ASPRV1: variants seen among roughly 807,000 people sequenced by gnomAD.
ASPRV1 encodes retroviral-like aspartic protease 1.
In ASPRV1, 7 loss-of-function variants were observed where a neutral mutation model predicts 11.0. The observed-to-expected ratio is 0.64, with a 90% CI of 0.36 to 1.20. The LOEUF (loss-of-function observed/expected upper bound fraction) is 1.20. Among genes scored for constraint, ASPRV1 ranks in the 50% most tolerant of loss-of-function variants. ASPRV1 has a pLI of 0.02. For synonymous variants in ASPRV1, 136 were observed against 138.4 expected (o/e 0.98, Z 0.12); for missense variants, 299 against 320.0 (o/e 0.93, Z 0.50).
At chr2:70,038,853 CG>C in the ASPRV1 span, among the ~76,000 whole-genome samples, 3 of 152,046 alleles carry the variant, frequency 2.0e-5, no homozygotes, top group Middle Eastern at 3.4e-3. Context: ...CCGAGGTGGG[CG>C]GATCACCTGA....
chr2:70,077,784 G>A, the ASPRV1 span, among the ~76,000 whole-genome samples: 1 of 152,212 alleles, frequency 6.6e-6, no homozygotes, highest in Non-Finnish European at 1.5e-5. Context: ...GAATACGGGA[G>A]GCAGAGGTTG....
the ASPRV1 span, among the ~76,000 whole-genome samples, chr2:70,017,400 G>A: frequency 2.6e-5 from 4 of 152,102 alleles, no homozygotes; most frequent in African/African-American, 4.8e-5. Context: ...ACACAGTAAG[G>A]GTCATGTACG....
chr2:69,989,901 C>A, the ASPRV1 span, among the ~76,000 whole-genome samples: 1 of 152,256 alleles, frequency 6.6e-6, no homozygotes, highest in Non-Finnish European at 1.5e-5. Context: ...GTTAAATCAG[C>A]GGTGATGATG....
At chr2:70,022,362 T>TACAC in the ASPRV1 span, among the ~76,000 whole-genome samples, 208 of 113,626 alleles carry the variant, frequency 1.8e-3, 2 homozygotes, top group East Asian at 8.6e-3. Context: ...CACACACACT[T>TACAC]ACACACACAC....
At chr2:70,029,060 C>T in the ASPRV1 span, among the ~76,000 whole-genome samples, 1 of 152,144 alleles carries the variant, frequency 6.6e-6, no homozygotes, top group Non-Finnish European at 1.5e-5. Context: ...TACAAATATC[C>T]CTCAACTCAG....
the ASPRV1 span, among the ~76,000 whole-genome samples, chr2:69,991,513 C>T: frequency 6.6e-6 from 1 of 152,144 alleles, no homozygotes; most frequent in Non-Finnish European, 1.5e-5. Flanking sequence ...GGGGCTGGGT[C>T]ACCTGCAGCC....
At chr2:70,006,894 G>A in the ASPRV1 span, among the ~76,000 whole-genome samples, 1 of 152,190 alleles carries the variant, frequency 6.6e-6, no homozygotes. Context: ...GAGGGGCTGT[G>A]GCATACTAAT....
chr2:70,056,360 C>CT, the ASPRV1 span: 1 of 152,092 alleles, frequency 6.6e-6, no homozygotes, highest in South Asian at 2.1e-4. Flanking sequence ...AATCCCAGCA[C>CT]TTTGAGAGGC....
At chr2:70,074,067 G>A in the ASPRV1 span, among the ~76,000 whole-genome samples, 1 of 138,152 alleles carries the variant, frequency 7.2e-6, no homozygotes, top group African/African-American at 2.7e-5. Flanking sequence ...CCAGGAGGCG[G>A]AGCTTGCAGT....
chr2:69,971,679 G>A, the ASPRV1 span, among the ~76,000 whole-genome samples: 51 of 152,236 alleles, frequency 3.4e-4, no homozygotes, highest in Middle Eastern at 3.2e-3. Flanking sequence ...TGGGGAGGCC[G>A]GAGATGTGAG....
chr2:70,051,328 A>C, the ASPRV1 span: 1 of 152,210 alleles, frequency 6.6e-6, no homozygotes, highest in East Asian at 1.9e-4. Context: ...GAAGACAAAA[A>C]ATACAACACC....
the ASPRV1 span, among the ~76,000 whole-genome samples, chr2:70,014,796 C>CAAAAAAAAAAAAAAAAAAAAA: frequency 1.4e-5 from 1 of 74,024 alleles, no homozygotes; most frequent in Non-Finnish European, 2.7e-5. Context: ...GACCTTGTCT[C>CAAAAAAAAAAAAAAAAAAAAA]AAAAAAAAAA....
the ASPRV1 span, among the ~76,000 whole-genome samples, chr2:69,973,618 G>A: frequency 6.6e-6 from 1 of 152,182 alleles, no homozygotes; most frequent in Admixed American, 6.5e-5. Flanking sequence ...AAAGTGCTGG[G>A]ATCACAGGCA....
the ASPRV1 span, among the ~76,000 whole-genome samples, chr2:69,967,068 A>G: frequency 8.4e-3 from 1,277 of 152,332 alleles, 18 homozygotes; most frequent in African/African-American, 0.03. Context: ...CGTGGCTGTA[A>G]ATCAGTGTCA....
the ASPRV1 span, among the ~76,000 whole-genome samples, chr2:70,040,509 A>C: frequency 6.6e-6 from 1 of 152,146 alleles, no homozygotes; most frequent in African/African-American, 2.4e-5. Flanking sequence ...AAAGCTGTTA[A>C]CAAGTTTTCC....
rs928574584 is a variant in ASPRV1 at position 69,960,104 on chromosome 2, A to G, written c.*553T>C. 2.0e-5 allele frequency: 3 copies of G among 153,378 alleles called. No individual in the cohort carries two copies. Among genetic ancestry groups the G allele is most frequent in the Non-Finnish European group, 4.4e-5 (3 of 68,884 alleles). The allele number at this position is 153,378 out of a possible 1,614,324, so 9.5% of individuals were successfully genotyped here. On this transcript the variant is annotated 3_prime_UTR_variant, in exon 1 of 1. Coordinates refer to ENST00000320256, the MANE Select transcript of ASPRV1 (RefSeq NM_152792.4). Reference sequence around the variant, plus strand: ...CATTACATGGTTTTTCCATGAATCAATCTTTATTGGTGTTTGCAGCAATTG... The same window carrying G: ...CATTACATGGTTTTTCCATGAATCAGTCTTTATTGGTGTTTGCAGCAATTG...
chr2:70,086,909 G>C, the ASPRV1 span: 1 of 152,256 alleles, frequency 6.6e-6, no homozygotes, highest in African/African-American at 2.4e-5. Flanking sequence ...CAGGAGCTGG[G>C]GTGGGGGATC....
At chr2:70,041,139 G>A in the ASPRV1 span, among the ~76,000 whole-genome samples, 6 of 152,226 alleles carry the variant, frequency 3.9e-5, no homozygotes, top group African/African-American at 7.2e-5. Flanking sequence ...GGTCAAAGCT[G>A]AGCCTTTCCA....
At chr2:69,964,213 C>A (rs756146294), upstream of ASPRV1, 9 of 345,654 alleles carry the variant, frequency 2.6e-5, no homozygotes, top group Admixed American at 1.2e-4. Flanking sequence ...CCTCTCTCAC[C>A]AAGGAGCCCA....
Sources: allele counts gnomAD v4.1 joint callset (sites outside exome capture counted in the v4.1 genomes callset), GRCh38; gene constraint gnomAD v4.1.1; transcripts MANE v1.5; gene names NCBI Gene and HGNC (gene_info 2026-07-23, HGNC 2026-07-21).